The following GATD1 variants were observed in gnomAD, a reference collection of about 807,000 sequenced individuals.
The protein encoded by GATD1 is glutamine amidotransferase-like class 1 domain-containing protein 1.
A neutral mutation model predicts 25.9 loss-of-function variants in GATD1; 23 were observed. That is an observed-to-expected ratio of 0.89 (90% CI 0.64 to 1.26). The LOEUF (loss-of-function observed/expected upper bound fraction) is 1.26. GATD1 is among the 50% of genes most tolerant of loss of function. The probability of loss-of-function intolerance (pLI) is 0.00; values close to 1 mark genes in which losing one functional copy is unlikely to be tolerated. For missense variants in GATD1, 347 were observed against 312.5 expected, an observed-to-expected ratio of 1.11 and a Z score of -0.83; for synonymous variants, 177 against 134.6, an observed-to-expected ratio of 1.31 and a Z score of -2.18.
At chr11:775,765 C>G (rs953571716) in intron 1 of GATD1, among the ~76,000 whole-genome samples, 4 of 152,070 alleles carry the variant, frequency 2.6e-5, no homozygotes, top group African/African-American at 7.2e-5. Flanking sequence ...CCTTCGGCCC[C>G]TCAAAAAACT....
chr11:772,673 G>A (rs943857138), intron 4 of GATD1, 152 bp from the exon 5 acceptor site: 6 of 679,578 alleles, frequency 8.8e-6, no homozygotes, highest in African/African-American at 5.3e-5. Flanking sequence ...CAGCACCCGG[G>A]TGTCCTGGCT....
intron 1 of GATD1, 76 bp from the exon 2 acceptor site, chr11:775,218 A>G (rs947753915): frequency 1.6e-6 from 2 of 1,272,148 alleles, no homozygotes; most frequent in Admixed American, 4.1e-5. Context: ...AGACACCCCC[A>G]TGGCCTCGAC....
Position 771,185 on chromosome 11 carries a change from G to A in GATD1, c.545-81C>T, listed in dbSNP as rs754598159. On this transcript the variant is annotated intron_variant, in intron 6 of 7. Coordinates refer to ENST00000319863, the MANE Select transcript of GATD1 (RefSeq NM_182612.4). Reference sequence around the variant, plus strand: ...CCTCGAACTCCAGGCGGGCTCCCAGGGTCAGCAGTAGGTCAGCCTGTCTGG... The same window carrying A: ...CCTCGAACTCCAGGCGGGCTCCCAGAGTCAGCAGTAGGTCAGCCTGTCTGG... The A allele has an allele frequency of 4.5e-6, 7 of 1,544,710 alleles. No individual in the cohort carries two copies. In the Admixed American group the frequency reaches 1.2e-4, roughly 26 times the overall value.
intron 2 of GATD1, 128 bp from the exon 3 acceptor site, chr11:774,241 C>G: frequency 2.9e-6 from 2 of 696,944 alleles, no homozygotes; most frequent in South Asian, 3.6e-5. Context: ...CCCGACCACC[C>G]AGCCTCCTTC....
intron 5 of GATD1, among the ~76,000 whole-genome samples, chr11:771,763 G>A (rs577739652): frequency 6.6e-6 from 1 of 152,140 alleles, no homozygotes; most frequent in African/African-American, 2.4e-5. Context: ...GGGCAGGAGT[G>A]AATCTAACCA....
chr11:775,288 A>C, intron 1 of GATD1, 146 bp from the exon 2 acceptor site: 2 of 627,372 alleles, frequency 3.2e-6, no homozygotes, highest in South Asian at 4.4e-5. Flanking sequence ...GACTACTTGA[A>C]GCCCTGGGGC....
At position 777,306 on chromosome 11, in the gene GATD1, C is replaced by G. The variant is rs1449020123; in HGVS notation, c.64+93G>C. 7.7e-6 allele frequency: 8 copies of G among 1,044,658 alleles called. No individual in the cohort carries two copies. The East Asian group carries it at 3.1e-4, about 40-fold the overall frequency. The allele number at this position is 1,044,658 out of a possible 1,614,324, so 64.7% of individuals were successfully genotyped here. On this transcript the variant is annotated intron_variant, in intron 1 of 7. Transcript: ENST00000319863. The stretch of plus-strand genomic sequence containing the variant: ...CCAGCGGCCTCGGCCTCCGGCGCCA[C>G]GTGACGCGCGCCCACCGTGTCCCGA...
rs1863227862 is a variant in GATD1 at position 769,203 on chromosome 11, G to A, written c.*1694C>T. ...AGCAAGGCCCCGTGGCCAGTGCTAA[G>A]TGGGCATCCTGACTAATCTGCGAGG... On this transcript the variant is annotated 3_prime_UTR_variant, in exon 8 of 8. Coordinates refer to ENST00000319863, the MANE Select transcript of GATD1 (RefSeq NM_182612.4). 3 of 985,374 alleles carry A rather than the reference G, an allele frequency of 3.0e-6. No individual in the cohort carries two copies. The highest frequency in any genetic ancestry group is 6.1e-5 in the Admixed American group (1 of 16,274). The allele number at this position is 985,374 out of a possible 1,614,324, so 61.0% of individuals were successfully genotyped here. A position where few individuals can be genotyped will look rare whatever the true frequency, so the allele number is the denominator to read the frequency against.
chr11:773,594 G>T lies in GATD1; in HGVS notation c.283C>A (p.Pro95Thr), dbSNP rs772277463. ...RYHALLIPSC[P>T]GALTDLASSG... is the part of the protein sequence containing the mutation. ...CTGGCCAGGTCGGTCAGGGCCCCAG[G>T]ACAGCTGGGGATCAGGAGGGCATGG... Residue 95 changes from proline to threonine, a missense_variant, in exon 4 of 8, where the codon CCT becomes ACT. By Grantham distance (38) the Pro-to-Thr change is conservative. Coordinates refer to ENST00000319863, the MANE Select transcript of GATD1 (RefSeq NM_182612.4). The T allele has an allele frequency of 9.3e-6, 15 of 1,609,464 alleles. No homozygotes were observed. Among genetic ancestry groups the T allele is most frequent in the Non-Finnish European group, 1.1e-5 (13 of 1,178,860 alleles).
In GATD1 at chr11:768,293, A is replaced by AC. The variant is rs1863172123; in HGVS notation, c.*2603dup. On this transcript the variant is annotated 3_prime_UTR_variant, in exon 8 of 8. Transcript: ENST00000319863. ...AGACCATCCTGGCCAACATGGTGAA[A>AC]CCCCGTCTCTACTGAAAATACAAAA... 7.0e-6 allele frequency: 1 copy of AC among 142,296 alleles called. No homozygotes were observed. Among genetic ancestry groups the AC allele is most frequent in the Non-Finnish European group, 1.5e-5 (1 of 65,570 alleles). 8.8% of individuals were successfully genotyped at this position (142,296 alleles called of 1,614,324 possible). A position where few individuals can be genotyped will look rare whatever the true frequency, so the allele number is the denominator to read the frequency against.
chr11:773,898 G>A (rs575565353), intron 3 of GATD1, 110 bp downstream of exon 3: 155 of 947,102 alleles, frequency 1.6e-4, no homozygotes, highest in Non-Finnish European at 2.3e-4. Flanking sequence ...ATGGTCACAG[G>A]GCTTCAGGGG....
rs774112349 is a variant in GATD1, at chr11:769,925, G to A, written c.*972C>T. On this transcript the variant is annotated 3_prime_UTR_variant, in exon 8 of 8. Coordinates refer to ENST00000319863, the MANE Select transcript of GATD1 (RefSeq NM_182612.4). ...GCCACTGCGCCCGGCCCAACTGAAC[G>A]GTTTTATAATCACAAGGGGCCTCCT... The A allele has an allele frequency of 5.0e-6, 5 of 994,150 alleles. No homozygotes were observed. Among genetic ancestry groups the A allele is most frequent in the Non-Finnish European group, 6.0e-6 (5 of 836,000 alleles). 61.6% of individuals were successfully genotyped at this position (994,150 alleles called of 1,614,324 possible). A position where few individuals can be genotyped will look rare whatever the true frequency, so the allele number is the denominator to read the frequency against.
At chr11:774,993 T>C in intron 2 of GATD1, 73 bp downstream of exon 2, 1 of 1,387,324 alleles carries the variant, frequency 7.2e-7, no homozygotes, top group South Asian at 1.2e-5. Context: ...GCGGCGGCAG[T>C]CTCCTGACCT....
chr11:774,145 A>T, intron 2 of GATD1, 32 bp from the exon 3 acceptor site: 1 of 1,577,154 alleles, frequency 6.3e-7, no homozygotes, highest in Non-Finnish European at 8.7e-7. Context: ...GCCGAGGGTC[A>T]GCACCAGGGA....
intron 3 of GATD1, among the ~76,000 whole-genome samples, 167 bp from the exon 4 acceptor site, chr11:773,796 G>A (rs529881159): frequency 2.6e-5 from 4 of 152,256 alleles, no homozygotes; most frequent in Admixed American, 2.6e-4. Flanking sequence ...GGGCCCCCCT[G>A]ACTTTCCTGT....
In GATD1 at chr11:771,163, C is replaced by T. The variant is rs750285925; in HGVS notation, c.545-59G>A. The T allele has an allele frequency of 9.0e-6, 14 of 1,547,608 alleles. No individual in the cohort carries two copies. The Admixed American group carries it at 1.9e-4, about 22-fold the overall frequency. On this transcript the variant is annotated intron_variant, in intron 6 of 7. Coordinates refer to ENST00000319863, the MANE Select transcript of GATD1 (RefSeq NM_182612.4). ...TGTCCACCTCACCCACTGAGAGCCT[C>T]GAACTCCAGGCGGGCTCCCAGGGTC...
At chr11:775,685 C>T (rs1330747612) in intron 1 of GATD1, among the ~76,000 whole-genome samples, 1 of 152,180 alleles carries the variant, frequency 6.6e-6, no homozygotes, top group African/African-American at 2.4e-5. Context: ...CCAGGGAAGC[C>T]GCTCAGAGGG....
At chr11:771,578 A>G in intron 5 of GATD1, 152 bp from the exon 6 acceptor site, 1 of 1,401,562 alleles carries the variant, frequency 7.1e-7, no homozygotes, top group Non-Finnish European at 9.2e-7. Context: ...CTAAGGCTGG[A>G]GGGCGGAGAG....
chr11:771,026 G>T lies in GATD1; in HGVS notation c.623C>A (p.Ala208Asp), dbSNP rs1413989038. The change falls in exon 7 of 8, where the codon GCC (alanine) becomes GAC (aspartate). Residue 208 changes from alanine (A) to aspartate (D), a missense_variant. By Grantham distance (126) the Ala-to-Asp change is moderately radical. Coordinates refer to ENST00000319863, the MANE Select transcript of GATD1 (RefSeq NM_182612.4). ...ACAGAGGAAGAGCAGGTTCTGCACG[G>T]CCGGGACAGTGGAGCTGGCATTCTG... ...TGQNASSTVP[A>D]VQNLLFLCGS... 6.2e-7 allele frequency: 1 copy of T among 1,613,196 alleles called. No individual in the cohort carries two copies. The highest frequency in any genetic ancestry group is 2.2e-5 in the East Asian group (1 of 44,886).
Sources: allele counts gnomAD v4.1 joint callset (sites outside exome capture counted in the v4.1 genomes callset), GRCh38; gene constraint gnomAD v4.1.1; transcripts MANE v1.5; gene names NCBI Gene and HGNC (gene_info 2026-07-23, HGNC 2026-07-21).